Variants in ASCC3 observed in about 807,000 individuals in gnomAD.
ASCC3 encodes ASC-1 complex subunit P200.
ASCC3 carries 158 observed loss-of-function variants against 256.3 expected under a neutral mutation model. The ratio of observed to expected loss-of-function variants is 0.62; its 90% CI spans 0.54 to 0.70. ASCC3 has a LOEUF of 0.70. Among genes scored for constraint, ASCC3 ranks in the 30% least tolerant of loss-of-function variants. The probability of loss-of-function intolerance (pLI) is 0.00; values close to 1 mark genes in which losing one functional copy is unlikely to be tolerated. For missense variants in ASCC3, 2,259 were observed against 2,626.0 expected, an observed-to-expected ratio of 0.86 and a Z score of 3.05; for synonymous variants, 948 against 883.4, an observed-to-expected ratio of 1.07 and a Z score of -1.30.
chr6:100,590,179 T>A, intron 34 of ASCC3, 120 bp from the exon 35 acceptor site: 1 of 738,106 alleles, frequency 1.4e-6, no homozygotes, highest in South Asian at 1.7e-5. Context: ...CTATCCTCAG[T>A]AACATCACAA....
At chr6:100,868,576 T>A (rs942050947) in intron 1 of ASCC3, among the ~76,000 whole-genome samples, 1 of 152,240 alleles carries the variant, frequency 6.6e-6, no homozygotes, top group Non-Finnish European at 1.5e-5. Flanking sequence ...ATTCTTTTTA[T>A]AGCACTAAGT....
intron 10 of ASCC3, among the ~76,000 whole-genome samples, chr6:100,751,445 C>CA (rs1434089373): frequency 3.3e-4 from 50 of 151,918 alleles, no homozygotes; most frequent in Non-Finnish European, 5.0e-4. Context: ...CAGACCCCTA[C>CA]CACAGCTTAC....
chr6:100,764,567 A>G (rs1781563212), intron 10 of ASCC3, among the ~76,000 whole-genome samples: 1 of 152,228 alleles, frequency 6.6e-6, no homozygotes, highest in Non-Finnish European at 1.5e-5. Context: ...ACTTTCACCT[A>G]TCATAGTAGT....
intron 12 of ASCC3, 61 bp downstream of exon 12, chr6:100,718,014 C>T (rs1210852718): frequency 2.0e-6 from 3 of 1,532,516 alleles, no homozygotes; most frequent in African/African-American, 2.8e-5. Flanking sequence ...TAACTCCAAA[C>T]AAGTATTCAA....
At chr6:100,868,994 T>C (rs931621732) in intron 1 of ASCC3, among the ~76,000 whole-genome samples, 1 of 152,238 alleles carries the variant, frequency 6.6e-6, no homozygotes, top group African/African-American at 2.4e-5. Context: ...AGATTGCTTA[T>C]TATAACACAA....
intron 17 of ASCC3, among the ~76,000 whole-genome samples, chr6:100,655,067 C>T (rs1484284126): frequency 6.6e-6 from 1 of 151,792 alleles, no homozygotes; most frequent in Non-Finnish European, 1.5e-5. Flanking sequence ...TGGATTTTAT[C>T]TGCAATTAGG....
intron 37 of ASCC3, among the ~76,000 whole-genome samples, chr6:100,531,817 A>G (rs1329636503): frequency 1.3e-5 from 2 of 152,092 alleles, no homozygotes; most frequent in African/African-American, 4.8e-5. Flanking sequence ...ATAATGTAAG[A>G]TTCTACTCCT....
chr6:100,576,268 G>A (rs371811034), intron 36 of ASCC3, among the ~76,000 whole-genome samples: 2 of 152,074 alleles, frequency 1.3e-5, no homozygotes, highest in South Asian at 2.1e-4. Context: ...GCATCAGATT[G>A]TTTAAAACTT....
chr6:100,689,344 A>G (rs1437940805), intron 13 of ASCC3, among the ~76,000 whole-genome samples: 2 of 152,196 alleles, frequency 1.3e-5, no homozygotes, highest in East Asian at 3.8e-4. Flanking sequence ...AGGTAATTGT[A>G]TTAGTATTTT....
intron 4 of ASCC3, among the ~76,000 whole-genome samples, chr6:100,845,127 C>A (rs980528653): frequency 6.6e-6 from 1 of 152,100 alleles, no homozygotes; most frequent in Non-Finnish European, 1.5e-5. Context: ...GGAATATGTA[C>A]AAATCTACTT....
chr6:100,647,605 T>A (rs1775446921), intron 20 of ASCC3, among the ~76,000 whole-genome samples, 154 bp from the exon 21 acceptor site: 1 of 152,188 alleles, frequency 6.6e-6, no homozygotes, highest in Non-Finnish European at 1.5e-5. Flanking sequence ...ATCCTAATTA[T>A]CTTATTATTT....
chr6:100,871,870 ATTGTACACAGTACACAGTATGT>A (rs1450815290), intron 1 of ASCC3, among the ~76,000 whole-genome samples: 3 of 152,184 alleles, frequency 2.0e-5, no homozygotes, highest in African/African-American at 7.2e-5. Flanking sequence ...TCTCCCAAGA[ATTGTACACAGTACACAGTATGT>A]TTGTACACAG....
chr6:100,865,806 G>A (rs1355896292), intron 2 of ASCC3, among the ~76,000 whole-genome samples: 3 of 151,918 alleles, frequency 2.0e-5, no homozygotes, highest in South Asian at 2.1e-4. Context: ...TCATTTCTTC[G>A]TATGTTCAAT....
chr6:100,723,899 T>C, intron 11 of ASCC3, among the ~76,000 whole-genome samples: 1 of 122,154 alleles, frequency 8.2e-6, no homozygotes, highest in African/African-American at 3.0e-5. Flanking sequence ...TATATATATT[T>C]ATAATTATAT....
chr6:100,715,371 C>T (rs1248937291), intron 13 of ASCC3, 91 bp downstream of exon 13: 2 of 1,171,250 alleles, frequency 1.7e-6, no homozygotes, highest in Non-Finnish European at 2.5e-6. Flanking sequence ...GAAAAATTTT[C>T]TTCTGAAGAG....
chr6:100,819,395 A>T (rs1429131568), intron 4 of ASCC3, among the ~76,000 whole-genome samples: 1 of 152,220 alleles, frequency 6.6e-6, no homozygotes, highest in Non-Finnish European at 1.5e-5. Context: ...AATAGGATAG[A>T]TGTATACATG....
intron 36 of ASCC3, among the ~76,000 whole-genome samples, chr6:100,540,813 A>C (rs935002163): frequency 1.3e-5 from 2 of 152,168 alleles, no homozygotes; most frequent in African/African-American, 4.8e-5. Flanking sequence ...AAGCTTTCTG[A>C]AAAAGTGATG....
chr6:100,677,572 T>C (rs902331395), intron 14 of ASCC3, among the ~76,000 whole-genome samples: 1 of 152,064 alleles, frequency 6.6e-6, no homozygotes, highest in African/African-American at 2.4e-5. Context: ...GACAGCACAA[T>C]GGTACAGGTC....
chr6:100,610,875 A>T (rs1354271361), intron 30 of ASCC3, among the ~76,000 whole-genome samples: 1 of 152,222 alleles, frequency 6.6e-6, no homozygotes, highest in African/African-American at 2.4e-5. Context: ...AATAGTTCAC[A>T]GCATAAAATG....
Sources: gnomAD v4.1 joint callset for allele counts (sites outside exome capture counted in the v4.1 genomes callset) on GRCh38, gnomAD v4.1.1 for gene constraint, MANE v1.5 for transcripts, NCBI Gene and HGNC (gene_info 2026-07-23, HGNC 2026-07-21) for gene names.